The following BMPR1A variants were observed in gnomAD, a reference collection of about 807,000 sequenced individuals.
The protein encoded by BMPR1A is bone morphogenetic protein receptor type 1A, also known as bone morphogenetic protein receptor type-1A.
A neutral mutation model predicts 66.0 loss-of-function variants in BMPR1A; 7 were observed. The ratio of observed to expected loss-of-function variants is 0.11; its 90% CI spans 0.06 to 0.20. The LOEUF (loss-of-function observed/expected upper bound fraction) is 0.20, where lower values mean the gene tolerates loss of function less well. Among genes scored for constraint, BMPR1A ranks in the 10% least tolerant of loss-of-function variants. The probability of loss-of-function intolerance (pLI) is 1.00; values close to 1 mark genes in which losing one functional copy is unlikely to be tolerated. For synonymous variants in BMPR1A, 200 were observed against 229.7 expected (o/e 0.87, Z 1.17); for missense variants, 408 against 669.1 (o/e 0.61, Z 4.31).
In BMPR1A at chr10:86,872,616, A is replaced by G. The variant is rs145196449; in HGVS notation, c.-152-3251A>G. Among the ~76,000 whole-genome samples, 14 of 152,222 alleles carry G rather than the reference A, an allele frequency of 9.2e-5. No homozygotes were observed. In the East Asian group the frequency reaches 2.5e-3, roughly 27 times the overall value. On this transcript the variant is annotated intron_variant, in intron 2 of 12. Transcript: ENST00000372037. ...GTTAATATGTGTTAGCTATTATTTT[A>G]TATGAGTTCCTTAAGTTTAAAAATA...
downstream of BMPR1A, chr10:86,928,019 G>C (rs978788340): frequency 5.7e-6 from 1 of 174,296 alleles, no homozygotes; most frequent in African/African-American, 2.4e-5. Flanking sequence ...TTGTGCATCA[G>C]AAGTCATCTG....
chr10:86,763,232 T>C (rs1384386476), intron 1 of BMPR1A, among the ~76,000 whole-genome samples: 1 of 152,146 alleles, frequency 6.6e-6, no homozygotes, highest in Non-Finnish European at 1.5e-5. Context: ...TGCAGCTTTT[T>C]AAAAATTTTA....
At chr10:86,884,963 G>A (rs1843051008) in intron 3 of BMPR1A, among the ~76,000 whole-genome samples, 2 of 152,174 alleles carry the variant, frequency 1.3e-5, no homozygotes, top group African/African-American at 4.8e-5. Context: ...TTCCAAAAGT[G>A]TCATAAAATA....
chr10:86,825,650 AT>A (rs1041596975), intron 1 of BMPR1A, among the ~76,000 whole-genome samples: 2 of 151,888 alleles, frequency 1.3e-5, no homozygotes, highest in Admixed American at 6.6e-5. Context: ...CTAAATTAAC[AT>A]TTTTTTGTGG....
At chr10:86,857,961 T>A (rs1422474737) in intron 2 of BMPR1A, among the ~76,000 whole-genome samples, 1 of 152,064 alleles carries the variant, frequency 6.6e-6, no homozygotes, top group African/African-American at 2.4e-5. Flanking sequence ...TTTTCCTGTA[T>A]CCTGTTTGTT....
chr10:86,790,627 C>G (rs954302754), intron 1 of BMPR1A, among the ~76,000 whole-genome samples: 4 of 152,088 alleles, frequency 2.6e-5, no homozygotes, highest in African/African-American at 9.7e-5. Flanking sequence ...AAATGAAGTA[C>G]TCACTCATTT....
intron 1 of BMPR1A, among the ~76,000 whole-genome samples, chr10:86,781,811 A>C (rs367887260): frequency 2.7e-5 from 4 of 150,644 alleles, no homozygotes; most frequent in Non-Finnish European, 4.4e-5. Flanking sequence ...TTCACTTAGC[A>C]TAAAGTCCCC....
At chr10:86,901,551 C>G (rs1336307759) in intron 7 of BMPR1A, among the ~76,000 whole-genome samples, 1 of 152,184 alleles carries the variant, frequency 6.6e-6, no homozygotes, top group Non-Finnish European at 1.5e-5. Context: ...TTTGGGTGTG[C>G]AAAGTCACTG....
At chr10:86,860,121 G>A (rs1190110795) in intron 2 of BMPR1A, among the ~76,000 whole-genome samples, 1 of 152,098 alleles carries the variant, frequency 6.6e-6, no homozygotes, top group Non-Finnish European at 1.5e-5. Context: ...CTGCACTCCA[G>A]CCTGGACCAG....
chr10:86,913,942 G>A (rs748238892), intron 8 of BMPR1A, among the ~76,000 whole-genome samples: 5 of 152,020 alleles, frequency 3.3e-5, no homozygotes, highest in Non-Finnish European at 5.9e-5. Flanking sequence ...AGGACTAGAA[G>A]AGCCAAAACA....
intron 1 of BMPR1A, among the ~76,000 whole-genome samples, chr10:86,809,772 A>G (rs796913452): frequency 6.6e-6 from 1 of 151,888 alleles, no homozygotes; most frequent in African/African-American, 2.4e-5. Context: ...CCATTAAACA[A>G]TAACTCTGTA....
At chr10:86,760,674 G>A (rs149383057) in intron 1 of BMPR1A, among the ~76,000 whole-genome samples, 19 of 151,128 alleles carry the variant, frequency 1.3e-4, no homozygotes, top group African/African-American at 4.0e-4. Flanking sequence ...GAACTGTCCT[G>A]ATCTGACTAT....
intron 1 of BMPR1A, among the ~76,000 whole-genome samples, chr10:86,795,700 A>G (rs1028567883): frequency 4.6e-5 from 7 of 152,144 alleles, no homozygotes. Flanking sequence ...GAAGAGTACC[A>G]TTTTAACTTA....
chr10:86,865,081 C>A (rs62555565), intron 2 of BMPR1A, among the ~76,000 whole-genome samples: 4 of 140,124 alleles, frequency 2.9e-5, no homozygotes, highest in African/African-American at 1.2e-4. Context: ...GCCGAGCCAT[C>A]GTATCCCCTG....
rs545290902 is a variant in BMPR1A, at chr10:86,876,517, CT to C, written c.67+433del. 8.5e-5 allele frequency among the ~76,000 whole-genome samples: 13 copies of C among 152,298 alleles called. No homozygotes were observed. The East Asian group carries it at 2.5e-3, about 29-fold the overall frequency. ...TCATTTTATTGGCCAGGCACAGTGG[CT>C]CACACCTGTAATCCCAGCGCTTTGG... On this transcript the variant is annotated intron_variant, in intron 3 of 12. Coordinates refer to ENST00000372037, the MANE Select transcript of BMPR1A (RefSeq NM_004329.3).
chr10:86,876,774 G>A (rs1266347837), intron 3 of BMPR1A, among the ~76,000 whole-genome samples: 1 of 152,108 alleles, frequency 6.6e-6, no homozygotes, highest in African/African-American at 2.4e-5. Context: ...TCTTGTCCCT[G>A]CCCCAACCAA....
intron 2 of BMPR1A, among the ~76,000 whole-genome samples, chr10:86,864,438 A>G (rs1842753710): frequency 6.6e-6 from 1 of 152,224 alleles, no homozygotes; most frequent in African/African-American, 2.4e-5. Flanking sequence ...CTCTGCTAGC[A>G]TCACAGACAT....
intron 1 of BMPR1A, among the ~76,000 whole-genome samples, chr10:86,801,470 A>G (rs1242037525): frequency 6.6e-6 from 1 of 152,112 alleles, no homozygotes; most frequent in African/African-American, 2.4e-5. Context: ...AATATCACCT[A>G]GTTAGCTCTG....
chr10:86,793,994 C>T (rs1348462591), intron 1 of BMPR1A, among the ~76,000 whole-genome samples: 3 of 152,118 alleles, frequency 2.0e-5, no homozygotes, highest in African/African-American at 4.8e-5. Context: ...TCTTTCCCAC[C>T]GTACTTGGGA....
Sources: gnomAD v4.1 joint callset for allele counts (sites outside exome capture counted in the v4.1 genomes callset) on GRCh38, gnomAD v4.1.1 for gene constraint, MANE v1.5 for transcripts, NCBI Gene and HGNC (gene_info 2026-07-23, HGNC 2026-07-21) for gene names.